The following BICC1 variants were observed in gnomAD, a reference collection of about 807,000 sequenced individuals.
BICC1 encodes BicC family RNA binding protein 1.
A neutral mutation model predicts 111.0 loss-of-function variants in BICC1; 43 were observed. That is an observed-to-expected ratio of 0.39 (90% CI 0.30 to 0.50). The LOEUF (loss-of-function observed/expected upper bound fraction) is 0.50. Among genes scored for constraint, BICC1 ranks in the 20% least tolerant of loss-of-function variants. BICC1 has a pLI of 0.88. For missense variants in BICC1, 1,091 were observed against 1,203.2 expected (o/e 0.91, Z 1.38); for synonymous variants, 467 against 434.4 (o/e 1.07, Z -0.93).
intron 3 of BICC1, among the ~76,000 whole-genome samples, chr10:58,729,227 G>A (rs1841209898): frequency 6.6e-6 from 1 of 152,148 alleles, no homozygotes. Flanking sequence ...TTGAAAATTT[G>A]TTGTTCAGTG....
chr10:58,671,005 C>T (rs148727664), intron 2 of BICC1, among the ~76,000 whole-genome samples: 7 of 152,256 alleles, frequency 4.6e-5, no homozygotes, highest in African/African-American at 9.6e-5. Flanking sequence ...CATGGCTCTA[C>T]GTGGTTTGCC....
chr10:58,747,822 A>AT (rs1841877530), intron 3 of BICC1, among the ~76,000 whole-genome samples: 1 of 152,164 alleles, frequency 6.6e-6, no homozygotes, highest in Admixed American at 6.6e-5. Flanking sequence ...TTGGCAAACC[A>AT]CATTTCACAG....
rs72804424 is a variant in BICC1, at chr10:58,788,799, T to C, written c.600+376T>C. Among the ~76,000 whole-genome samples the C allele has an allele frequency of 8.5e-4, 130 of 152,310 alleles. 1 individual carries two copies. The highest frequency in any genetic ancestry group is 3.0e-3 in the African/African-American group (125 of 41,568). ...AAAGGCTCCCATCATTTAAAAACAC[T>C]TGTAGGCCAGTTGTGGTGGCTCACA... On this transcript the variant is annotated intron_variant, in intron 6 of 20. Coordinates refer to ENST00000373886, the MANE Select transcript of BICC1 (RefSeq NM_001080512.3).
intron 10 of BICC1, among the ~76,000 whole-genome samples, chr10:58,797,573 A>G (rs1364733841): frequency 6.6e-6 from 1 of 152,210 alleles, no homozygotes; most frequent in East Asian, 1.9e-4. Flanking sequence ...GGAAATGCCA[A>G]TTAGGTAACT....
Position 58,767,024 on chromosome 10 carries a change from A to C in BICC1, c.308-17977A>C, listed in dbSNP as rs534963974. On this transcript the variant is annotated intron_variant, in intron 3 of 20. Coordinates refer to ENST00000373886, the MANE Select transcript of BICC1 (RefSeq NM_001080512.3). ...GTTTGTATCTGACTGACTGCATCTC[A>C]GACTCCATTAGGAGGCCTGCCCATG... Among the ~76,000 whole-genome samples, 42 of 152,278 alleles carry C rather than the reference A, an allele frequency of 2.8e-4. 2 individuals are homozygous for C. In the South Asian group the frequency reaches 7.9e-3, roughly 29 times the overall value.
At chr10:58,719,042 G>A (rs1840853953) in intron 3 of BICC1, among the ~76,000 whole-genome samples, 1 of 151,994 alleles carries the variant, frequency 6.6e-6, no homozygotes, top group Non-Finnish European at 1.5e-5. Flanking sequence ...ATGTTATTTT[G>A]AATTGGCTCA....
intron 3 of BICC1, among the ~76,000 whole-genome samples, chr10:58,758,727 A>AT (rs961225816): frequency 6.6e-6 from 1 of 152,072 alleles, no homozygotes; most frequent in African/African-American, 2.4e-5. Context: ...AACTTTTTTT[A>AT]TTTTTTACTT....
chr10:58,789,938 G>A lies in BICC1; in HGVS notation c.1047+5G>A. The A allele has an allele frequency of 6.2e-7, 1 of 1,613,698 alleles. No homozygotes were observed. Among genetic ancestry groups the A allele is most frequent in the Non-Finnish European group, 8.5e-7 (1 of 1,179,852 alleles). Reference sequence around the variant, plus strand: ...CTTGCAAGGCAATATCTCATGGTAAGGTTACTGAAATAAGTGTTACAATTT... The same window carrying A: ...CTTGCAAGGCAATATCTCATGGTAAAGTTACTGAAATAAGTGTTACAATTT... On this transcript the variant is annotated splice_donor_5th_base_variant and intron_variant, in intron 8 of 20. Transcript: ENST00000373886.
At chr10:58,648,487 G>A (rs1438032260) in intron 2 of BICC1, 8 of 983,584 alleles carry the variant, frequency 8.1e-6, no homozygotes, top group Non-Finnish European at 9.7e-6. Context: ...GAATACTCTT[G>A]TATGCTGGCC....
chr10:58,599,460 T>C (rs1173603996), intron 1 of BICC1, among the ~76,000 whole-genome samples: 1 of 152,032 alleles, frequency 6.6e-6, no homozygotes, highest in Non-Finnish European at 1.5e-5. Flanking sequence ...TGAGAACACA[T>C]GGACATAGGG....
intron 1 of BICC1, among the ~76,000 whole-genome samples, chr10:58,534,894 G>T (rs1842787412): frequency 6.6e-6 from 1 of 150,890 alleles, no homozygotes; most frequent in South Asian, 2.1e-4. Flanking sequence ...ATTTTTAAAA[G>T]AAAACCAATC....
chr10:58,770,905 A>G (rs1271777453), intron 3 of BICC1, among the ~76,000 whole-genome samples: 1 of 152,222 alleles, frequency 6.6e-6, no homozygotes, highest in Non-Finnish European at 1.5e-5. Flanking sequence ...ATAAGAAGAA[A>G]TAAGAGCTGA....
chr10:58,789,119 T>C (rs1818830804), intron 6 of BICC1, 143 bp from the exon 7 acceptor site: 1 of 651,858 alleles, frequency 1.5e-6, no homozygotes, highest in Admixed American at 3.2e-5. Flanking sequence ...AAAAAAACTT[T>C]ATATAATGTA....
At chr10:58,757,938 A>G (rs554084293) in intron 3 of BICC1, among the ~76,000 whole-genome samples, 1 of 152,292 alleles carries the variant, frequency 6.6e-6, no homozygotes, top group East Asian at 1.9e-4. Flanking sequence ...CAAGGGGAAG[A>G]TGCATTTCCT....
chr10:58,623,223 A>G (rs1355394699), intron 2 of BICC1, among the ~76,000 whole-genome samples: 1 of 152,200 alleles, frequency 6.6e-6, no homozygotes, highest in African/African-American at 2.4e-5. Context: ...AAAGTTTTCG[A>G]ATTAGAAAAT....
chr10:58,809,879 C>G (rs1316418279), intron 17 of BICC1, among the ~76,000 whole-genome samples: 1 of 152,152 alleles, frequency 6.6e-6, no homozygotes, highest in Non-Finnish European at 1.5e-5. Context: ...ACTCCTCTTC[C>G]TAATGATTTA....
At chr10:58,716,038 A>G (rs1271348325) in intron 3 of BICC1, 1 of 1,427,206 alleles carries the variant, frequency 7.0e-7, no homozygotes, top group Non-Finnish European at 9.6e-7. Flanking sequence ...AAAGAAAAAG[A>G]AGTCAAAAGA....
chr10:58,519,902 A>G (rs1842345358), intron 1 of BICC1, among the ~76,000 whole-genome samples: 2 of 144,770 alleles, frequency 1.4e-5, no homozygotes, highest in Admixed American at 6.7e-5. Context: ...TTCACTTTTT[A>G]TTATCTTAAG....
chr10:58,787,643 C>A (rs1363011289), intron 5 of BICC1, among the ~76,000 whole-genome samples: 1 of 152,168 alleles, frequency 6.6e-6, no homozygotes, highest in African/African-American at 2.4e-5. Flanking sequence ...TGGAAGTATT[C>A]TCTCTTCTAA....
Sources: gnomAD v4.1 joint callset for allele counts (sites outside exome capture counted in the v4.1 genomes callset) on GRCh38, gnomAD v4.1.1 for gene constraint, MANE v1.5 for transcripts, NCBI Gene and HGNC (gene_info 2026-07-23, HGNC 2026-07-21) for gene names.